The following TCERG1L variants were observed in gnomAD, a reference collection of about 807,000 sequenced individuals.
TCERG1L encodes the protein transcription elongation regulator 1 like.
In TCERG1L, 37 loss-of-function variants were observed where a neutral mutation model predicts 56.3. That is an observed-to-expected ratio of 0.66 (90% confidence interval 0.51 to 0.87). TCERG1L has a LOEUF of 0.87. Ranked by LOEUF, TCERG1L falls within the 40% of genes least tolerant of loss-of-function variation. The pLI, the probability that TCERG1L is intolerant of heterozygous loss-of-function variation, is 0.00. For missense variants in TCERG1L, 799 were observed against 774.2 expected, an observed-to-expected ratio of 1.03 and a Z score of -0.38; for synonymous variants, 324 against 326.3, an observed-to-expected ratio of 0.99 and a Z score of 0.08.
At chr10:131,147,972 C>T (rs1231658872) in intron 6 of TCERG1L, among the ~76,000 whole-genome samples, 1 of 152,232 alleles carries the variant, frequency 6.6e-6, no homozygotes, top group Non-Finnish European at 1.5e-5. Flanking sequence ...GGCCTGGGGC[C>T]CTGCATGTTG....
intron 4 of TCERG1L, among the ~76,000 whole-genome samples, chr10:131,181,359 G>A (rs1845174156): frequency 6.6e-6 from 1 of 152,246 alleles, no homozygotes. Flanking sequence ...CAGCACAGAG[G>A]CGGAGGTCTG....
At chr10:131,128,099 CT>C (rs1318043081) in intron 8 of TCERG1L, among the ~76,000 whole-genome samples, 1 of 151,952 alleles carries the variant, frequency 6.6e-6, no homozygotes, top group Non-Finnish European at 1.5e-5. Flanking sequence ...AAAGTAAAGA[CT>C]TGAAAAACAG....
rs1236563790 is a variant in TCERG1L, at chr10:131,116,804, T to C, written c.1390A>G (p.Arg464Gly). 6.4e-7 allele frequency: 1 copy of C among 1,561,426 alleles called. No individual in the cohort carries two copies. The highest frequency in any genetic ancestry group is 8.7e-7 in the Non-Finnish European group (1 of 1,154,072). The change falls in exon 9 of 12, where the codon AGA becomes GGA. Residue 464 changes from arginine to glycine, a missense_variant. By Grantham distance (125) the Arg-to-Gly change is moderately radical. Coordinates refer to ENST00000368642, the MANE Select transcript of TCERG1L (RefSeq NM_174937.4). ...VTHFRDMLLE[R>G]GVSAFSTWEK... is the part of the protein sequence containing the mutation. ...CCTCAGCCGCTGTGCCTTACCCCTC[T>C]CTCCAGCAGCATGTCTCGGAAGTGG...
chr10:131,217,809 C>T (rs1030945153), intron 4 of TCERG1L, among the ~76,000 whole-genome samples: 1 of 149,470 alleles, frequency 6.7e-6, no homozygotes, highest in African/African-American at 2.5e-5. Context: ...GCAAGCTCTG[C>T]CTCCCAGGTT....
intron 4 of TCERG1L, among the ~76,000 whole-genome samples, chr10:131,207,118 G>A (rs550571451): frequency 1.3e-5 from 2 of 152,322 alleles, no homozygotes; most frequent in Admixed American, 6.5e-5. Context: ...CAAGAAAGCT[G>A]CATGGAGATC....
intron 8 of TCERG1L, among the ~76,000 whole-genome samples, chr10:131,133,630 C>T (rs769752765): frequency 9.9e-5 from 15 of 152,178 alleles, no homozygotes; most frequent in East Asian, 1.9e-4. Flanking sequence ...ACATTCCTTC[C>T]GTCTCCCTGT....
At chr10:131,198,138 A>G (rs1845387934) in intron 4 of TCERG1L, among the ~76,000 whole-genome samples, 1 of 152,230 alleles carries the variant, frequency 6.6e-6, no homozygotes. Flanking sequence ...GTCTCTGCCC[A>G]ATGGTCTGGG....
chr10:131,207,930 G>T (rs1039666195), intron 4 of TCERG1L, among the ~76,000 whole-genome samples: 6 of 152,140 alleles, frequency 3.9e-5, no homozygotes, highest in African/African-American at 1.4e-4. Context: ...GGCTCCAGGC[G>T]GCTTCAGGGA....
chr10:131,150,632 A>AGGAGAGG (rs1845853211), intron 6 of TCERG1L, among the ~76,000 whole-genome samples: 1 of 152,150 alleles, frequency 6.6e-6, no homozygotes, highest in Non-Finnish European at 1.5e-5. Context: ...AGGATGACCC[A>AGGAGAGG]TTTCCTGGCA....
In TCERG1L at chr10:131,143,752, G is replaced by A. The variant is rs148263968; in HGVS notation, c.1189+2754C>T. Reference sequence around the variant, plus strand: ...AAGATCCCCGAGAACCGCATGGCACGGAACGGATGGGGCTGGGGGTGAAGC... The same window carrying A: ...AAGATCCCCGAGAACCGCATGGCACAGAACGGATGGGGCTGGGGGTGAAGC... On this transcript the variant is annotated intron_variant, in intron 7 of 11. Coordinates refer to ENST00000368642, the MANE Select transcript of TCERG1L (RefSeq NM_174937.4). Among the ~76,000 whole-genome samples, 185 of 152,196 alleles carry A rather than the reference G, an allele frequency of 1.2e-3. 1 individual carries two copies. Among genetic ancestry groups the A allele is most frequent in the Non-Finnish European group, 1.9e-3 (130 of 68,014 alleles).
At chr10:131,177,333 A>C (rs11017793) in intron 4 of TCERG1L, among the ~76,000 whole-genome samples, 5,090 of 152,364 alleles carry the variant, frequency 0.033, 173 homozygotes, top group South Asian at 0.085. Flanking sequence ...CACAGCGGAT[A>C]AAGGCATTGC....
chr10:131,120,507 T>G (rs896998408), intron 8 of TCERG1L, among the ~76,000 whole-genome samples: 2 of 152,216 alleles, frequency 1.3e-5, no homozygotes, highest in Admixed American at 1.3e-4. Flanking sequence ...ACCATTGCCC[T>G]GGCAGAGAAA....
Position 131,267,563 on chromosome 10 carries a change from C to T in TCERG1L, c.671-7119G>A, listed in dbSNP as rs1055479881. 2.0e-5 allele frequency among the ~76,000 whole-genome samples: 3 copies of T among 152,194 alleles called. No individual in the cohort carries two copies. The highest frequency in any genetic ancestry group is 4.4e-5 in the Non-Finnish European group (3 of 68,038). ...GCGTCTCCCTCTGCCGCAGTGGTGG[C>T]CCTTGCACAAGTGAACCCGATGTTC... On this transcript the variant is annotated intron_variant, in intron 3 of 11. Transcript: ENST00000368642. This position sits in a 1 kb window ranked among gnomAD's most constrained non-coding sequence, Gnocchi z 4.9.
intron 4 of TCERG1L, among the ~76,000 whole-genome samples, chr10:131,191,864 C>CAAAAAAAAAAAAAAAAAAAA (rs59816491): frequency 3.5e-5 from 1 of 28,702 alleles, no homozygotes; most frequent in Non-Finnish European, 5.9e-5. Context: ...GACTCCGTCT[C>CAAAAAAAAAAAAAAAAAAAA]AAAAAAAAAA....
intron 4 of TCERG1L, among the ~76,000 whole-genome samples, chr10:131,199,319 G>T (rs973265935): frequency 6.6e-6 from 1 of 152,122 alleles, no homozygotes; most frequent in Non-Finnish European, 1.5e-5. Context: ...CTTCTCTTTT[G>T]ATTGTAAATT....
Position 131,268,137 on chromosome 10 carries a change from C to G in TCERG1L, c.671-7693G>C, listed in dbSNP as rs373403764. ...GGCCTTGAGCAGCTGCAGTGGTGCC[C>G]AGGGAGGGCTGGGCTCCTGCCTGCT... On this transcript the variant is annotated intron_variant, in intron 3 of 11. Transcript: ENST00000368642. 7.2e-5 allele frequency among the ~76,000 whole-genome samples: 11 copies of G among 152,280 alleles called. No homozygotes were observed. In the East Asian group the frequency reaches 2.1e-3, roughly 30 times the overall value.
chr10:131,306,077 G>T (rs938599048), intron 3 of TCERG1L, among the ~76,000 whole-genome samples: 1 of 151,958 alleles, frequency 6.6e-6, no homozygotes, highest in African/African-American at 2.4e-5. Flanking sequence ...AAATTAAAAC[G>T]ATTTACCTCA....
At chr10:131,261,757 G>A (rs1399563007) in intron 3 of TCERG1L, among the ~76,000 whole-genome samples, 1 of 152,192 alleles carries the variant, frequency 6.6e-6, no homozygotes. Context: ...AAGAGGCAGG[G>A]TGCTCATTCT....
At chr10:131,117,082 G>T in intron 8 of TCERG1L, 148 bp from the exon 9 acceptor site, 1 of 1,092,568 alleles carries the variant, frequency 9.2e-7, no homozygotes, top group Non-Finnish European at 1.3e-6. Context: ...GGTCTCCCTC[G>T]CAAAGATGGC....
Sources: gnomAD v4.1 joint callset for allele counts (sites outside exome capture counted in the v4.1 genomes callset) on GRCh38, gnomAD v4.1.1 for gene constraint, Gnocchi (gnomAD v3.1) non-coding constraint, MANE v1.5 for transcripts, NCBI Gene and HGNC (gene_info 2026-07-23, HGNC 2026-07-21) for gene names.